NETO2: variants seen among roughly 807,000 people sequenced by gnomAD.
The protein encoded by NETO2 is neuropilin and tolloid-like protein 2.
Under a neutral mutation model 62.5 loss-of-function variants are expected in NETO2, and 28 were observed. The observed-to-expected ratio is 0.45, with a 90% CI of 0.33 to 0.61. NETO2 has a LOEUF of 0.61. Among genes scored for constraint, NETO2 ranks in the 20% least tolerant of loss-of-function variants. NETO2 has a pLI of 0.02. For synonymous variants in NETO2, 214 were observed against 219.1 expected, an observed-to-expected ratio of 0.98 and a Z score of 0.21; for missense variants, 548 against 643.2, an observed-to-expected ratio of 0.85 and a Z score of 1.60.
In NETO2 at chr16:47,082,629, CAAG is replaced by C. The variant is rs1963091852; in HGVS notation, c.*589_*591del. On this transcript the variant is annotated 3_prime_UTR_variant, in exon 9 of 9. Transcript: ENST00000562435. ...AAAAGGCAGAAGTACAGAGATTAGC[CAAG>C]AAGAAACAGATGGGTGAAATACAAC... 6.6e-6 allele frequency: 1 copy of C among 151,900 alleles called. No individual in the cohort carries two copies. 9.4% of individuals were successfully genotyped at this position (151,900 alleles called of 1,614,324 possible). A position where few individuals can be genotyped will look rare whatever the true frequency, so the allele number is the denominator to read the frequency against.
intron 7 of NETO2, among the ~76,000 whole-genome samples, chr16:47,099,426 CCAT>C (rs1168495409): frequency 6.6e-6 from 1 of 152,072 alleles, no homozygotes; most frequent in Non-Finnish European, 1.5e-5. Context: ...TAACCAGCTA[CCAT>C]CATAATGACA....
chr16:47,122,819 A>G (rs773823227), intron 5 of NETO2, 35 bp from the exon 6 acceptor site: 3 of 1,613,908 alleles, frequency 1.9e-6, no homozygotes, highest in Admixed American at 1.7e-5. Context: ...TCAAAGGAAC[A>G]TAAGACTAAT....
intron 6 of NETO2, among the ~76,000 whole-genome samples, chr16:47,118,972 A>G (rs958395292): frequency 6.6e-6 from 1 of 151,888 alleles, no homozygotes; most frequent in African/African-American, 2.4e-5. Context: ...ATCTCTTTTA[A>G]TCTATAGGTT....
rs1298735982 is a variant in NETO2 at position 47,080,703 on chromosome 16, T to C, written c.*2518A>G. 6.6e-6 allele frequency: 1 copy of C among 152,214 alleles called. No homozygotes were observed. The highest frequency in any genetic ancestry group is 1.5e-5 in the Non-Finnish European group (1 of 68,022). The allele number at this position is 152,214 out of a possible 1,614,324, so 9.4% of individuals were successfully genotyped here. ...GCTATTGATCATCTGGTTCTTTAGTTCTATCCCTGAAAATACAGACTGACC... is the reference window on the plus strand; with the variant it reads ...GCTATTGATCATCTGGTTCTTTAGTCCTATCCCTGAAAATACAGACTGACC... On this transcript the variant is annotated 3_prime_UTR_variant, in exon 9 of 9. Transcript: ENST00000562435.
In NETO2 at chr16:47,083,103, T is replaced by C; in HGVS notation, c.*118A>G. 2 of 864,706 alleles carry C rather than the reference T, an allele frequency of 2.3e-6. No individual in the cohort carries two copies. Among genetic ancestry groups the C allele is most frequent in the Non-Finnish European group, 3.6e-6 (2 of 554,020 alleles). 53.6% of individuals were successfully genotyped at this position (864,706 alleles called of 1,614,324 possible). ...ACATCACCATACAATAGGTTAACGGTAAATCAAGGTCTTCGTAGTTGTGAT... is the reference window on the plus strand; with the variant it reads ...ACATCACCATACAATAGGTTAACGGCAAATCAAGGTCTTCGTAGTTGTGAT... On this transcript the variant is annotated 3_prime_UTR_variant, in exon 9 of 9. Coordinates refer to ENST00000562435, the MANE Select transcript of NETO2 (RefSeq NM_018092.5).
chr16:47,094,571 G>A (rs1159428566), intron 7 of NETO2, among the ~76,000 whole-genome samples: 3 of 151,072 alleles, frequency 2.0e-5, no homozygotes, highest in South Asian at 4.2e-4. Flanking sequence ...GACTACAGGC[G>A]CCCGCCACCA....
At chr16:47,097,127 G>GT (rs1010072998) in intron 7 of NETO2, among the ~76,000 whole-genome samples, 2 of 152,152 alleles carry the variant, frequency 1.3e-5, no homozygotes, top group Admixed American at 6.5e-5. Flanking sequence ...ACCTGCAGAA[G>GT]TTTTTTTTCA....
At chr16:47,105,484 C>G (rs1963654710) in intron 7 of NETO2, among the ~76,000 whole-genome samples, 2 of 152,088 alleles carry the variant, frequency 1.3e-5, no homozygotes, top group Non-Finnish European at 2.9e-5. Flanking sequence ...AAAAAACCCA[C>G]ATTAATTTGG....
At chr16:47,086,466 C>G (rs1392881027) in intron 7 of NETO2, 127 bp from the exon 8 acceptor site, 1 of 628,564 alleles carries the variant, frequency 1.6e-6, no homozygotes, top group Non-Finnish European at 2.8e-6. Context: ...AAACTCTGTA[C>G]TATTCAAACA....
At chr16:47,131,448 G>A (rs576232290) in intron 2 of NETO2, among the ~76,000 whole-genome samples, 25 of 152,174 alleles carry the variant, frequency 1.6e-4, no homozygotes, top group Admixed American at 5.2e-4. Context: ...AACTTTTTAG[G>A]AATGCTTTGA....
intron 7 of NETO2, among the ~76,000 whole-genome samples, chr16:47,089,884 T>TA (rs1336731201): frequency 3.9e-5 from 6 of 152,330 alleles, no homozygotes; most frequent in African/African-American, 1.4e-4. Flanking sequence ...TTTCTTTTTT[T>TA]ATTTATATAT....
intron 1 of NETO2, among the ~76,000 whole-genome samples, 158 bp downstream of exon 1, chr16:47,143,421 C>T (rs1381960378): frequency 6.6e-6 from 1 of 151,882 alleles, no homozygotes; most frequent in African/African-American, 2.4e-5. Flanking sequence ...GGGCAGGGCT[C>T]GCGCCCCGCG....
chr16:47,108,816 T>C (rs1451252210), intron 7 of NETO2, among the ~76,000 whole-genome samples: 1 of 152,232 alleles, frequency 6.6e-6, no homozygotes, highest in African/African-American at 2.4e-5. Context: ...TTGAGAGATG[T>C]TGGCATTAGT....
chr16:47,142,797 G>C (rs1345322367), intron 1 of NETO2, among the ~76,000 whole-genome samples: 1 of 152,236 alleles, frequency 6.6e-6, no homozygotes, highest in African/African-American at 2.4e-5. Flanking sequence ...GAAATGCAAA[G>C]CCGGTGGAGT....
chr16:47,111,052 C>T (rs1963789576), intron 6 of NETO2, among the ~76,000 whole-genome samples: 1 of 152,206 alleles, frequency 6.6e-6, no homozygotes, highest in Non-Finnish European at 1.5e-5. Context: ...CAACAGTTCT[C>T]ATTAGTTTTC....
chr16:47,110,637 T>G (rs74786805), intron 6 of NETO2, among the ~76,000 whole-genome samples: 1 of 152,180 alleles, frequency 6.6e-6, no homozygotes, highest in Non-Finnish European at 1.5e-5. Flanking sequence ...TATGTGACTC[T>G]ATCATTAAAA....
At chr16:47,101,945 T>C (rs1318689305) in intron 7 of NETO2, among the ~76,000 whole-genome samples, 2 of 152,084 alleles carry the variant, frequency 1.3e-5, no homozygotes, top group Non-Finnish European at 2.9e-5. Context: ...TTAAATTTCG[T>C]AGGAACCAAA....
At chr16:47,133,730 G>A (rs1043115509) in intron 1 of NETO2, among the ~76,000 whole-genome samples, 3 of 152,152 alleles carry the variant, frequency 2.0e-5, no homozygotes, top group Non-Finnish European at 4.4e-5. Flanking sequence ...CAGTGTGGTT[G>A]GCAAGTGGAA....
At chr16:47,143,322 G>T (rs1016098934) in intron 1 of NETO2, among the ~76,000 whole-genome samples, 1 of 152,000 alleles carries the variant, frequency 6.6e-6, no homozygotes, top group Non-Finnish European at 1.5e-5. Flanking sequence ...CCGCCTTCCC[G>T]ACCCGATCCC....
Sources: gnomAD v4.1 joint callset for allele counts (sites outside exome capture counted in the v4.1 genomes callset) on GRCh38, gnomAD v4.1.1 for gene constraint, MANE v1.5 for transcripts, NCBI Gene and HGNC (gene_info 2026-07-23, HGNC 2026-07-21) for gene names.